RUFY4: variants seen among roughly 807,000 people sequenced by gnomAD.
The protein encoded by RUFY4 is RUN and FYVE domain containing 4.
RUFY4 carries 73 observed loss-of-function variants against 69.0 expected under a neutral mutation model. The observed-to-expected ratio is 1.06, with a 90% CI of 0.88 to 1.29. The LOEUF (loss-of-function observed/expected upper bound fraction) is 1.29, where lower values mean the gene tolerates loss of function less well. Ranked by LOEUF, RUFY4 falls within the 50% of genes most tolerant of loss-of-function variation. The pLI is 0.00. For missense variants in RUFY4, 770 were observed against 705.6 expected (o/e 1.09, Z -1.03); for synonymous variants, 287 against 271.8 (o/e 1.06, Z -0.55).
intron 6 of RUFY4, 82 bp downstream of exon 8, chr2:218,073,967 C>A: frequency 7.3e-7 from 1 of 1,370,540 alleles, no homozygotes. Context: ...CTGAGCTTCC[C>A]CCTCCGAGTG....
intron 2 of RUFY4, among the ~76,000 whole-genome samples, chr2:218,036,419 TC>T (rs1194772636): frequency 6.6e-6 from 1 of 151,334 alleles, no homozygotes; most frequent in Non-Finnish European, 1.5e-5. Context: ...TTATCTAGCA[TC>T]CTACGACTGG....
intron 2 of RUFY4, among the ~76,000 whole-genome samples, chr2:218,057,612 A>G (rs1425170274): frequency 6.6e-6 from 1 of 152,244 alleles, no homozygotes; most frequent in East Asian, 1.9e-4. Context: ...TTAGTAAACT[A>G]ACAGAGCTGT....
At chr2:218,090,426 C>A (rs774896065) in exon 11 of RUFY4, 1 of 233,758 alleles carries the variant, frequency 4.3e-6, no homozygotes, top group Non-Finnish European at 8.7e-6. Context: ...GCGGTGCCCA[C>A]CTTTCCTGAT....
rs189344524 is a variant in RUFY4, at chr2:218,087,349, A to G, written c.1503-1903A>G. ...TATTTTAATTAAATTAAATGTAAAT[A>G]GCCACATGTGGGGTAGTGGCTACCA... On this transcript the variant is annotated intron_variant, in intron 9 of 10. Transcript: ENST00000344321. Among the ~76,000 whole-genome samples the G allele has an allele frequency of 9.9e-4, 151 of 152,306 alleles. No individual in the cohort carries two copies. In the Middle Eastern group the frequency reaches 0.02, roughly 21 times the overall value.
At chr2:218,051,995 A>C (rs1367019048) in intron 2 of RUFY4, among the ~76,000 whole-genome samples, 1 of 152,128 alleles carries the variant, frequency 6.6e-6, no homozygotes, top group Non-Finnish European at 1.5e-5. Flanking sequence ...TTAAATTGAT[A>C]ATTTCCTTTC....
At chr2:218,065,091 C>T (rs1689292984), upstream of RUFY4, among the ~76,000 whole-genome samples, 2 of 152,288 alleles carry the variant, frequency 1.3e-5, no homozygotes, top group Admixed American at 6.5e-5. Context: ...GGTGGAGAAT[C>T]ATCTCATCTT....
At chr2:218,073,435 T>G (rs376846273) in intron 5 of RUFY4, 49 bp downstream of exon 7, 1 of 1,561,112 alleles carries the variant, frequency 6.4e-7, no homozygotes, top group Non-Finnish European at 8.7e-7. Flanking sequence ...CCTGGTCCCA[T>G]GGCCACCAAG....
intron 2 of RUFY4, among the ~76,000 whole-genome samples, chr2:218,056,658 T>C (rs1689072828): frequency 6.6e-6 from 1 of 152,160 alleles, no homozygotes; most frequent in South Asian, 2.1e-4. Flanking sequence ...AAATTAGAGT[T>C]GAGTGTCCAG....
At chr2:218,062,425 A>G (rs1689220275) in intron 3 of RUFY4, among the ~76,000 whole-genome samples, 1 of 142,772 alleles carries the variant, frequency 7.0e-6, no homozygotes, top group South Asian at 2.2e-4. Flanking sequence ...AAAAAAAATG[A>G]TAAGTGGCCG....
chr2:218,060,322 C>T, intron 3 of RUFY4: 5 of 1,519,762 alleles, frequency 3.3e-6, no homozygotes, highest in Non-Finnish European at 4.4e-6. Flanking sequence ...CACGGGACTG[C>T]ACTTAGGCAA....
At chr2:218,070,488 T>G, upstream of RUFY4, 1 of 886,242 alleles carries the variant, frequency 1.1e-6, no homozygotes. Context: ...ATTAGTCACT[T>G]TCCCTCTGTA....
chr2:218,084,663 A>T (rs1689849541), intron 9 of RUFY4, among the ~76,000 whole-genome samples: 1 of 152,234 alleles, frequency 6.6e-6, no homozygotes, highest in South Asian at 2.1e-4. Flanking sequence ...AGAGAGATAT[A>T]AAAAGTGAAG....
intron 9 of RUFY4, among the ~76,000 whole-genome samples, chr2:218,085,064 A>G (rs752263104): frequency 1.3e-5 from 2 of 152,328 alleles, no homozygotes; most frequent in African/African-American, 2.4e-5. Flanking sequence ...AGAAAGAAAG[A>G]AAGAAAATTA....
chr2:218,068,937 A>G (rs1225887099), upstream of RUFY4: 1 of 152,382 alleles, frequency 6.6e-6, no homozygotes, highest in African/African-American at 2.4e-5. Context: ...CCACAGGAAT[A>G]GCAGCTGCGG....
intron 2 of RUFY4, among the ~76,000 whole-genome samples, chr2:218,054,815 G>A (rs1335377290): frequency 6.6e-6 from 1 of 152,068 alleles, no homozygotes; most frequent in Non-Finnish European, 1.5e-5. Context: ...ATTTGGTGAG[G>A]CAAATTTTCA....
At chr2:218,074,573 A>T (rs970562282) in intron 6 of RUFY4, among the ~76,000 whole-genome samples, 1 of 152,212 alleles carries the variant, frequency 6.6e-6, no homozygotes, top group Admixed American at 6.5e-5. Flanking sequence ...CATAAAAAAA[A>T]GCATTGCAAT....
rs1367963093 is a variant in RUFY4, at chr2:218,053,527, T to C, written c.-1157-5068T>C. 3.9e-5 allele frequency among the ~76,000 whole-genome samples: 6 copies of C among 151,984 alleles called. No homozygotes were observed. In the South Asian group the frequency reaches 1.2e-3, roughly 32 times the overall value. On this transcript the variant is annotated intron_variant and NMD_transcript_variant, in intron 2 of 13. Coordinates refer to the RUFY4 transcript ENST00000457754. The stretch of plus-strand genomic sequence containing the variant: ...CACCTGGCTAATTTTTTTTTTATTT[T>C]GAAACGGAGTCTTGCTCTGTCGCCC...
chr2:218,073,764 A>T (rs1689552715), intron 5 of RUFY4, 52 bp from the exon 8 acceptor site: 1 of 1,603,082 alleles, frequency 6.2e-7, no homozygotes, highest in African/African-American at 1.3e-5. Flanking sequence ...TCTGAGGACC[A>T]AGCCCAACAC....
chr2:218,078,829 G>A (rs1689695407), intron 8 of RUFY4, among the ~76,000 whole-genome samples: 1 of 152,076 alleles, frequency 6.6e-6, no homozygotes, highest in African/African-American at 2.4e-5. Context: ...GCCTGTTAGA[G>A]GCTGGCATGT....
Sources: gnomAD v4.1 joint callset for allele counts (sites outside exome capture counted in the v4.1 genomes callset) on GRCh38, gnomAD v4.1.1 for gene constraint, MANE v1.5 for transcripts, NCBI Gene and HGNC (gene_info 2026-07-23, HGNC 2026-07-21) for gene names.